The following FHIT variants were observed in gnomAD, a reference collection of about 807,000 sequenced individuals.
FHIT encodes bis(5'-adenosyl)-triphosphatase.
In FHIT, 19 loss-of-function variants were observed where a neutral mutation model predicts 17.9. The ratio of observed to expected loss-of-function variants is 1.06; its 90% CI spans 0.74 to 1.56. The LOEUF (loss-of-function observed/expected upper bound fraction) is 1.56. Among genes scored for constraint, FHIT ranks in the 40% most tolerant of loss-of-function variants. The pLI, the probability that FHIT is intolerant of heterozygous loss-of-function variation, is 0.00. For missense variants in FHIT, 248 were observed against 189.2 expected, an observed-to-expected ratio of 1.31 and a Z score of -1.82; for synonymous variants, 81 against 69.7, an observed-to-expected ratio of 1.16 and a Z score of -0.81.
intron 3 of FHIT, among the ~76,000 whole-genome samples, chr3:60,949,490 C>G (rs1708786842): frequency 6.6e-6 from 1 of 152,192 alleles, no homozygotes; most frequent in African/African-American, 2.4e-5. Flanking sequence ...CTGCAAACTT[C>G]TAGATCCCCT....
intron 5 of FHIT, among the ~76,000 whole-genome samples, chr3:60,336,189 G>A (rs533102321): frequency 6.6e-6 from 1 of 152,310 alleles, no homozygotes; most frequent in South Asian, 2.1e-4. Context: ...GCCGAACCAA[G>A]TTGGGGCTGC....
chr3:60,271,894 C>T (rs1167715541), intron 5 of FHIT, among the ~76,000 whole-genome samples: 1 of 152,230 alleles, frequency 6.6e-6, no homozygotes, highest in Non-Finnish European at 1.5e-5. Context: ...TTAACATTTT[C>T]TGAAAACTTA....
At position 60,064,252 on chromosome 3, in the gene FHIT, A is replaced by G. The variant is rs1256417909; in HGVS notation, c.104-50100T>C. On this transcript the variant is annotated intron_variant, in intron 5 of 9. Transcript: ENST00000492590. The stretch of plus-strand genomic sequence containing the variant: ...AAAATAATTACCTAGTAATAATAAA[A>G]CTATGTTGTTTATAACTCTTATTTG... 2.0e-5 allele frequency among the ~76,000 whole-genome samples: 3 copies of G among 152,182 alleles called. No homozygotes were observed. In the East Asian group the frequency reaches 5.8e-4, roughly 29 times the overall value.
At chr3:60,856,058 T>C (rs1703369139) in intron 3 of FHIT, among the ~76,000 whole-genome samples, 1 of 152,124 alleles carries the variant, frequency 6.6e-6, no homozygotes, top group Non-Finnish European at 1.5e-5. Context: ...AATTATTTGA[T>C]GTGGAAGACA....
intron 8 of FHIT, among the ~76,000 whole-genome samples, chr3:59,810,669 T>G (rs1365269670): frequency 6.6e-6 from 1 of 152,212 alleles, no homozygotes; most frequent in Non-Finnish European, 1.5e-5. Flanking sequence ...ATAAATTAAT[T>G]GCTCTCTGAT....
intron 5 of FHIT, among the ~76,000 whole-genome samples, chr3:60,455,151 G>T (rs947892042): frequency 5.3e-5 from 8 of 152,116 alleles, no homozygotes; most frequent in South Asian, 2.1e-4. Context: ...ATGGATGAAA[G>T]AAGGGAAAGG....
chr3:60,850,151 C>T (rs974605924), intron 3 of FHIT, among the ~76,000 whole-genome samples: 1 of 152,160 alleles, frequency 6.6e-6, no homozygotes, highest in South Asian at 2.1e-4. Context: ...CCATTTAAGA[C>T]CTCTGCCAGC....
intron 5 of FHIT, among the ~76,000 whole-genome samples, chr3:60,434,782 T>C (rs552437848): frequency 6.6e-6 from 1 of 152,268 alleles, no homozygotes; most frequent in African/African-American, 2.4e-5. Context: ...TTTTACAGTA[T>C]ATTCCTTGGT....
chr3:60,931,316 T>C (rs1432713981), intron 3 of FHIT, among the ~76,000 whole-genome samples: 1 of 152,298 alleles, frequency 6.6e-6, no homozygotes, highest in East Asian at 1.9e-4. Context: ...TATACATATG[T>C]AACAAACCTG....
At chr3:59,835,496 T>G (rs1368480443) in intron 8 of FHIT, among the ~76,000 whole-genome samples, 2 of 152,180 alleles carry the variant, frequency 1.3e-5, no homozygotes, top group Non-Finnish European at 2.9e-5. Context: ...TACAATTTGT[T>G]GACATTTTTA....
chr3:60,323,308 T>A (rs777813595), intron 5 of FHIT, among the ~76,000 whole-genome samples: 2 of 152,128 alleles, frequency 1.3e-5, no homozygotes, highest in Non-Finnish European at 2.9e-5. Flanking sequence ...TTTCCCATTA[T>A]TTTCACTTTG....
intron 5 of FHIT, among the ~76,000 whole-genome samples, chr3:60,067,909 T>C (rs1285328263): frequency 6.6e-6 from 1 of 152,142 alleles, no homozygotes; most frequent in Non-Finnish European, 1.5e-5. Flanking sequence ...GTTTCAATGG[T>C]TTCACACTTA....
chr3:59,822,677 T>C (rs1157249970), intron 8 of FHIT, among the ~76,000 whole-genome samples: 2 of 152,170 alleles, frequency 1.3e-5, no homozygotes, highest in African/African-American at 4.8e-5. Context: ...TTTATTTGAG[T>C]TCCTTATAGA....
At chr3:60,833,640 A>T (rs1049754857) in intron 3 of FHIT, among the ~76,000 whole-genome samples, 1 of 152,226 alleles carries the variant, frequency 6.6e-6, no homozygotes, top group Non-Finnish European at 1.5e-5. Context: ...GAGAAGGTCC[A>T]TATGCCCTTT....
chr3:61,170,444 G>C (rs1385954776), intron 2 of FHIT, among the ~76,000 whole-genome samples: 2 of 152,052 alleles, frequency 1.3e-5, no homozygotes, highest in African/African-American at 2.4e-5. Flanking sequence ...TGTGTCATGA[G>C]GGTTTGTTGT....
intron 5 of FHIT, among the ~76,000 whole-genome samples, chr3:60,356,099 A>G (rs1347829522): frequency 1.3e-5 from 2 of 152,218 alleles, no homozygotes; most frequent in Non-Finnish European, 2.9e-5. Flanking sequence ...ATTAGAAACT[A>G]AAATACATAA....
At chr3:60,181,620 G>A (rs997927968) in intron 5 of FHIT, among the ~76,000 whole-genome samples, 1 of 152,186 alleles carries the variant, frequency 6.6e-6, no homozygotes, top group African/African-American at 2.4e-5. Flanking sequence ...TAGGTTGTTA[G>A]TAAAGACATG....
chr3:60,027,139 ACACAC>A (rs772724630), intron 5 of FHIT, among the ~76,000 whole-genome samples: 2,433 of 124,326 alleles, frequency 0.02, 107 homozygotes, highest in Non-Finnish European at 0.023. Context: ...ACACACACAC[ACACAC>A]ACACAAAATT....
rs147892145 is a variant in FHIT at position 60,614,809 on chromosome 3, G to GTTTTTTTTTTTTTTTTTTTTTTTTT, written c.-17-77831_-17-77830insAAAAAAAAAAAAAAAAAAAAAAAAA. Among the ~76,000 whole-genome samples the GTTTTTTTTTTTTTTTTTTTTTTTTT allele has an allele frequency of 3.8e-5, 3 of 78,226 alleles. 1 individual carries two copies. Among genetic ancestry groups the GTTTTTTTTTTTTTTTTTTTTTTTTT allele is most frequent in the Admixed American group, 3.0e-4 (2 of 6,734 alleles). The allele number at this position is 78,226 out of a possible 152,430, so 51.3% of individuals were successfully genotyped here. ...CGATTTGTAAAAAATTGCAAAAGTT[G>GTTTTTTTTTTTTTTTTTTTTTTTTT]TTTTTTTTTTGTTTTTTTTTTGTTT... On this transcript the variant is annotated intron_variant, in intron 4 of 9. Transcript: ENST00000492590.
Sources: gnomAD v4.1 joint callset for allele counts (sites outside exome capture counted in the v4.1 genomes callset) on GRCh38, gnomAD v4.1.1 for gene constraint, MANE v1.5 for transcripts, NCBI Gene and HGNC (gene_info 2026-07-23, HGNC 2026-07-21) for gene names.